UNC13C: variants seen among roughly 807,000 people sequenced by gnomAD.
UNC13C encodes the protein protein unc-13 homolog C.
Under a neutral mutation model 245.4 loss-of-function variants are expected in UNC13C, and 174 were observed. The ratio of observed to expected loss-of-function variants is 0.71; its 90% CI spans 0.63 to 0.80. The LOEUF (loss-of-function observed/expected upper bound fraction) is 0.80, where lower values mean the gene tolerates loss of function less well. Ranked by LOEUF, UNC13C falls within the 30% of genes least tolerant of loss-of-function variation. UNC13C has a pLI of 0.00. For missense variants in UNC13C, 2,829 were observed against 2,602.9 expected, an observed-to-expected ratio of 1.09 and a Z score of -1.89; for synonymous variants, 992 against 895.1, an observed-to-expected ratio of 1.11 and a Z score of -1.93.
At chr15:54,026,819 C>G (rs983650873) in intron 2 of UNC13C, among the ~76,000 whole-genome samples, 5 of 152,262 alleles carry the variant, frequency 3.3e-5, no homozygotes, top group African/African-American at 9.6e-5. Context: ...TTGGTTCATT[C>G]TTCAATAAAT....
intron 32 of UNC13C, among the ~76,000 whole-genome samples, chr15:54,626,073 G>A (rs945272905): frequency 2.0e-5 from 3 of 152,086 alleles, no homozygotes; most frequent in Non-Finnish European, 4.4e-5. Context: ...TACTGCTGAG[G>A]GCTAGATGTA....
intron 19 of UNC13C, among the ~76,000 whole-genome samples, chr15:54,494,373 C>G (rs1893858643): frequency 6.6e-6 from 1 of 152,044 alleles, no homozygotes; most frequent in African/African-American, 2.4e-5. Flanking sequence ...TTTCAGTAAG[C>G]TGGATTAGAA....
At chr15:53,966,755 C>T in the UNC13C span, among the ~76,000 whole-genome samples, 1 of 151,876 alleles carries the variant, frequency 6.6e-6, no homozygotes, top group Admixed American at 6.6e-5. Context: ...CTCAAAACAA[C>T]ATATCTCAAT....
chr15:54,227,951 C>G (rs373557176), intron 4 of UNC13C, among the ~76,000 whole-genome samples: 20 of 152,332 alleles, frequency 1.3e-4, no homozygotes, highest in African/African-American at 4.3e-4. Context: ...TGAGTTCGCT[C>G]TCATTGCTGG....
the UNC13C span, among the ~76,000 whole-genome samples, chr15:53,855,252 T>C: frequency 5.9e-5 from 9 of 152,218 alleles, no homozygotes; most frequent in Non-Finnish European, 1.2e-4. Flanking sequence ...AGAGACAATT[T>C]GACTTCCTCT....
chr15:54,422,406 C>G (rs78983902), intron 19 of UNC13C, among the ~76,000 whole-genome samples: 1 of 152,026 alleles, frequency 6.6e-6, no homozygotes, highest in Non-Finnish European at 1.5e-5. Flanking sequence ...GACTTTCACA[C>G]ACTTAGATTA....
At chr15:54,224,988 C>T (rs181683698) in intron 4 of UNC13C, among the ~76,000 whole-genome samples, 1 of 149,290 alleles carries the variant, frequency 6.7e-6, no homozygotes, top group East Asian at 1.9e-4. Flanking sequence ...GTATTGTTTG[C>T]AATATTTCCC....
At chr15:54,615,421 T>C (rs138001080) in intron 30 of UNC13C, among the ~76,000 whole-genome samples, 1,808 of 152,094 alleles carry the variant, frequency 0.012, 41 homozygotes, top group Admixed American at 0.057. Context: ...ATTACTATAT[T>C]TATTTACCTC....
At chr15:54,389,737 T>C (rs903990131) in intron 17 of UNC13C, among the ~76,000 whole-genome samples, 2 of 152,096 alleles carry the variant, frequency 1.3e-5, no homozygotes, top group Non-Finnish European at 2.9e-5. Flanking sequence ...TTTTTCTTTT[T>C]TTTTTTTCTG....
intron 22 of UNC13C, among the ~76,000 whole-genome samples, 171 bp downstream of exon 22, chr15:54,501,149 T>C (rs1411387454): frequency 6.6e-6 from 1 of 152,166 alleles, no homozygotes; most frequent in Admixed American, 6.6e-5. Context: ...ACACTTCCTG[T>C]TTCTTTAATA....
the UNC13C span, among the ~76,000 whole-genome samples, chr15:53,898,271 A>C: frequency 6.6e-6 from 1 of 152,128 alleles, no homozygotes; most frequent in Non-Finnish European, 1.5e-5. Context: ...AATTATTTTT[A>C]AACCAGTCAT....
At chr15:54,630,665 C>G (rs2141331311), downstream of UNC13C, 1 of 152,208 alleles carries the variant, frequency 6.6e-6, no homozygotes, top group Admixed American at 6.5e-5. Context: ...TGTTTATACT[C>G]AAGTCCTTTG....
the UNC13C span, among the ~76,000 whole-genome samples, chr15:53,876,383 C>G: frequency 2.6e-5 from 4 of 152,082 alleles, no homozygotes; most frequent in Non-Finnish European, 5.9e-5. Flanking sequence ...AATGGAGGCT[C>G]GAAGGATTGA....
At chr15:54,435,244 G>T (rs1425869839) in intron 19 of UNC13C, among the ~76,000 whole-genome samples, 1 of 152,052 alleles carries the variant, frequency 6.6e-6, no homozygotes, top group African/African-American at 2.4e-5. Context: ...ATACACAAAG[G>T]ATTATGAATC....
At chr15:54,000,961 A>G (rs1894859125) in intron 1 of UNC13C, among the ~76,000 whole-genome samples, 1 of 152,204 alleles carries the variant, frequency 6.6e-6, no homozygotes, top group African/African-American at 2.4e-5. Context: ...AAATACAAAA[A>G]AATTTTTTTA....
intron 13 of UNC13C, among the ~76,000 whole-genome samples, chr15:54,311,353 T>G (rs2037867670): frequency 6.6e-6 from 1 of 151,812 alleles, no homozygotes; most frequent in Non-Finnish European, 1.5e-5. Context: ...TAACTATAAC[T>G]AAATGTATTA....
intron 30 of UNC13C, among the ~76,000 whole-genome samples, chr15:54,594,953 T>C (rs1269167459): frequency 6.6e-6 from 1 of 152,182 alleles, no homozygotes; most frequent in East Asian, 1.9e-4. Context: ...TCTGCCCAAT[T>C]TATTGGTTTA....
At chr15:54,197,201 G>A (rs2034381520) in intron 4 of UNC13C, among the ~76,000 whole-genome samples, 1 of 152,150 alleles carries the variant, frequency 6.6e-6, no homozygotes, top group South Asian at 2.1e-4. Flanking sequence ...ATTTGGCTGG[G>A]CACAGTGGCT....
the UNC13C span, among the ~76,000 whole-genome samples, chr15:53,922,253 C>G: frequency 6.6e-6 from 1 of 152,170 alleles, no homozygotes; most frequent in East Asian, 1.9e-4. Flanking sequence ...TCTCCTCATT[C>G]TAATACCAAT....
Sources: gnomAD v4.1 joint callset for allele counts (sites outside exome capture counted in the v4.1 genomes callset) on GRCh38, gnomAD v4.1.1 for gene constraint, MANE v1.5 for transcripts, NCBI Gene and HGNC (gene_info 2026-07-23, HGNC 2026-07-21) for gene names.